The following NRDC variants were observed in gnomAD, a reference collection of about 807,000 sequenced individuals.
NRDC encodes the protein nardilysin.
Under a neutral mutation model 147.1 loss-of-function variants are expected in NRDC, and 54 were observed. The ratio of observed to expected loss-of-function variants is 0.37; its 90% CI spans 0.29 to 0.46. The LOEUF (loss-of-function observed/expected upper bound fraction) is 0.46. NRDC is among the 20% of genes least tolerant of loss of function. NRDC has a pLI of 1.00. For synonymous variants in NRDC, 440 were observed against 482.1 expected, an observed-to-expected ratio of 0.91 and a Z score of 1.14; for missense variants, 1,082 against 1,370.6, an observed-to-expected ratio of 0.79 and a Z score of 3.33.
At chr1:51,800,704 C>T (rs767323230) in intron 20 of NRDC, 21 bp from the exon 21 acceptor site, 4 of 1,607,554 alleles carry the variant, frequency 2.5e-6, no homozygotes, top group Admixed American at 3.4e-5. Flanking sequence ...AAGAAGGAAG[C>T]ATTTTAAGAA....
chr1:51,802,084 G>C (rs538236560), intron 20 of NRDC, among the ~76,000 whole-genome samples: 61 of 152,290 alleles, frequency 4.0e-4, no homozygotes, highest in Admixed American at 9.2e-4. Context: ...ACCGCGCCAG[G>C]CTGAGGTTTT....
chr1:51,807,065 C>A, intron 17 of NRDC, 152 bp from the exon 18 acceptor site: 2 of 792,258 alleles, frequency 2.5e-6, no homozygotes, highest in Non-Finnish European at 3.8e-6. Flanking sequence ...AGACCAATAC[C>A]AAAGGGAAAA....
At chr1:51,794,389 A>T (rs1557896406) in intron 24 of NRDC, 83 bp downstream of exon 24, 2 of 1,355,278 alleles carry the variant, frequency 1.5e-6, no homozygotes, top group Non-Finnish European at 2.1e-6. Context: ...TACAGAAGTA[A>T]CTATAAAAGG....
chr1:51,790,367 T>C (rs1269705724), intron 29 of NRDC, among the ~76,000 whole-genome samples, 166 bp downstream of exon 29: 1 of 152,118 alleles, frequency 6.6e-6, no homozygotes, highest in East Asian at 1.9e-4. Context: ...CCACCTAAGG[T>C]GCTAGAGAGG....
rs1374388560 is a variant in NRDC, at chr1:51,872,983, CATA to C, written c.341+5289_341+5291del. On this transcript the variant is annotated intron_variant, in intron 1 of 30. Transcript: ENST00000352171. ...TCATGGAATTTACACACATGGAAGTCATAATGATTTCTTTTGTAGCTGTGAGAT... is the reference window on the plus strand; with the variant it reads ...TCATGGAATTTACACACATGGAAGTCATGATTTCTTTTGTAGCTGTGAGAT... 6.0e-5 allele frequency among the ~76,000 whole-genome samples: 9 copies of C among 149,660 alleles called. No homozygotes were observed. In the South Asian group the frequency reaches 1.7e-3, roughly 28 times the overall value.
chr1:51,865,548 C>T (rs1399037774), intron 1 of NRDC, among the ~76,000 whole-genome samples: 1 of 151,874 alleles, frequency 6.6e-6, no homozygotes, highest in Non-Finnish European at 1.5e-5. Context: ...GGTGATTCGC[C>T]CACCTTGGCT....
At chr1:51,824,554 C>CTA (rs1680360446) in intron 6 of NRDC, among the ~76,000 whole-genome samples, 1 of 152,166 alleles carries the variant, frequency 6.6e-6, no homozygotes, top group South Asian at 2.1e-4. Context: ...AAATTTTACT[C>CTA]TATAGTCAAC....
At chr1:51,837,684 C>A in intron 2 of NRDC, 2 of 1,303,754 alleles carry the variant, frequency 1.5e-6, no homozygotes, top group Non-Finnish European at 2.1e-6. Flanking sequence ...GAAATTCATA[C>A]TTGAGAACTG....
At chr1:51,823,384 A>T (rs1680292433) in intron 7 of NRDC, among the ~76,000 whole-genome samples, 1 of 152,194 alleles carries the variant, frequency 6.6e-6, no homozygotes, top group Admixed American at 6.5e-5. Context: ...TTCATGACCT[A>T]TTAGAATATT....
intron 20 of NRDC, among the ~76,000 whole-genome samples, chr1:51,801,818 C>T (rs978612234): frequency 2.0e-5 from 3 of 151,652 alleles, no homozygotes; most frequent in African/African-American, 4.8e-5. Flanking sequence ...ATGGAGTCTT[C>T]GCTCTATTGC....
At chr1:51,804,083 A>T in intron 19 of NRDC, 119 bp from the exon 20 acceptor site, 1 of 843,712 alleles carries the variant, frequency 1.2e-6, no homozygotes, top group Non-Finnish European at 1.8e-6. Context: ...TCTACTCCAG[A>T]ATGTAAAAGG....
At chr1:51,803,991 T>C (rs1405310271) in intron 19 of NRDC, 27 bp from the exon 20 acceptor site, 2 of 1,542,908 alleles carry the variant, frequency 1.3e-6, no homozygotes, top group Admixed American at 2.0e-5. Context: ...GCAAATGGCA[T>C]CTTTAATTGG....
intron 1 of NRDC, among the ~76,000 whole-genome samples, chr1:51,841,684 C>CAT (rs768801482): frequency 2.6e-5 from 4 of 152,126 alleles, no homozygotes; most frequent in Non-Finnish European, 4.4e-5. Flanking sequence ...TATCATGCTG[C>CAT]ATTAAGGATA....
At chr1:51,853,535 G>A (rs1254672555) in intron 1 of NRDC, among the ~76,000 whole-genome samples, 2 of 152,172 alleles carry the variant, frequency 1.3e-5, no homozygotes, top group South Asian at 2.1e-4. Context: ...TTATTTCTTT[G>A]GATGGACTTT....
At chr1:51,845,701 T>C (rs1195688059) in intron 1 of NRDC, among the ~76,000 whole-genome samples, 1 of 152,244 alleles carries the variant, frequency 6.6e-6, no homozygotes. Context: ...TTTATCCTAC[T>C]TTAACCTTCT....
Position 51,878,352 on chromosome 1 carries a change from T to C in NRDC, c.264A>G (p.Glu88=). The change falls in exon 1 of 31, where the codon GAA becomes GAG. Residue 88 remains glutamate (E), a synonymous_variant. Transcript: ENST00000352171. Reference sequence around the variant, plus strand: ...TACTGAGAGACCCCCTCCGTCCCTCTTCCTCAGATTCATCCGCTCCTAGAC... The same window carrying C: ...TACTGAGAGACCCCCTCCGTCCCTCCTCCTCAGATTCATCCGCTCCTAGAC... ...VARLGADESE[E]EGRRGSLSNA... is the part of the protein sequence containing the mutation. 1 of 1,614,148 alleles carries C rather than the reference T, an allele frequency of 6.2e-7. No individual in the cohort carries two copies. The highest frequency in any genetic ancestry group is 8.5e-7 in the Non-Finnish European group (1 of 1,180,026).
chr1:51,791,751 G>C (rs1678668568), intron 26 of NRDC, 90 bp from the exon 27 acceptor site: 1 of 1,068,110 alleles, frequency 9.4e-7, no homozygotes, highest in African/African-American at 1.6e-5. Context: ...AAAAGTTTCT[G>C]CCCATCCTTA....
chr1:51,834,551 A>G (rs1274027430), intron 3 of NRDC, among the ~76,000 whole-genome samples: 1 of 152,040 alleles, frequency 6.6e-6, no homozygotes, highest in African/African-American at 2.4e-5. Context: ...CCTGACCTCA[A>G]GTGATCTGCC....
At chr1:51,849,004 C>T (rs1681798030) in intron 1 of NRDC, among the ~76,000 whole-genome samples, 1 of 152,166 alleles carries the variant, frequency 6.6e-6, no homozygotes, top group Admixed American at 6.5e-5. Context: ...AACAGTCATA[C>T]TATATTACTG....
Sources: gnomAD v4.1 joint callset for allele counts (sites outside exome capture counted in the v4.1 genomes callset) on GRCh38, gnomAD v4.1.1 for gene constraint, MANE v1.5 for transcripts, NCBI Gene and HGNC (gene_info 2026-07-23, HGNC 2026-07-21) for gene names.